The following GRM1 variants were observed in gnomAD, a reference collection of about 807,000 sequenced individuals.
The protein encoded by GRM1 is metabotropic glutamate receptor 1.
In GRM1, 33 loss-of-function variants were observed where a neutral mutation model predicts 90.9. That is an observed-to-expected ratio of 0.36 (90% CI 0.28 to 0.49). The LOEUF is 0.49. GRM1 is among the 20% of genes least tolerant of loss of function. The pLI, the probability that GRM1 is intolerant of heterozygous loss-of-function variation, is 0.99. For missense variants in GRM1, 1,190 were observed against 1,534.3 expected (o/e 0.78, Z 3.75); for synonymous variants, 700 against 613.2 (o/e 1.14, Z -2.09).
At chr6:146,220,599 T>C (rs1780027490) in intron 2 of GRM1, among the ~76,000 whole-genome samples, 1 of 152,184 alleles carries the variant, frequency 6.6e-6, no homozygotes, top group South Asian at 2.1e-4. Flanking sequence ...TTTAGCATCT[T>C]CATTAAGACA....
chr6:146,078,974 T>C (rs748047273), intron 1 of GRM1, among the ~76,000 whole-genome samples: 43 of 152,220 alleles, frequency 2.8e-4, no homozygotes, highest in Non-Finnish European at 5.4e-4. Flanking sequence ...AGGAAAAATC[T>C]CCACAAAGTG....
At chr6:146,235,507 C>T (rs557262373) in intron 2 of GRM1, among the ~76,000 whole-genome samples, 2 of 152,140 alleles carry the variant, frequency 1.3e-5, no homozygotes, top group African/African-American at 4.8e-5. Context: ...TATTTTCTCC[C>T]TCCAAGATTT....
At chr6:146,369,239 G>C (rs1003495513) in intron 5 of GRM1, among the ~76,000 whole-genome samples, 1 of 151,140 alleles carries the variant, frequency 6.6e-6, no homozygotes, top group Non-Finnish European at 1.5e-5. Flanking sequence ...TTCTTAGCTT[G>C]TCTAGTTAAA....
chr6:146,261,494 A>G (rs1461320590), intron 2 of GRM1, among the ~76,000 whole-genome samples: 1 of 152,002 alleles, frequency 6.6e-6, no homozygotes, highest in Non-Finnish European at 1.5e-5. Flanking sequence ...TAACATGGAG[A>G]AAAAAAATCA....
chr6:146,213,872 A>G (rs772092949), intron 2 of GRM1, among the ~76,000 whole-genome samples: 4 of 152,072 alleles, frequency 2.6e-5, no homozygotes, highest in Non-Finnish European at 5.9e-5. Context: ...AGGCCTCAGA[A>G]CCAGGGAAGC....
intron 2 of GRM1, among the ~76,000 whole-genome samples, chr6:146,245,615 T>C (rs1266184158): frequency 1.3e-5 from 2 of 152,132 alleles, no homozygotes. Flanking sequence ...ATTCAAAACC[T>C]CCATTTTCCC....
At chr6:146,209,851 A>G (rs1483918448) in intron 2 of GRM1, among the ~76,000 whole-genome samples, 24 of 152,278 alleles carry the variant, frequency 1.6e-4, no homozygotes, top group Non-Finnish European at 4.4e-5. Context: ...GCAGTGGGGA[A>G]GATTGCAAGG....
chr6:146,270,007 A>C (rs1405616031), intron 2 of GRM1, among the ~76,000 whole-genome samples: 1 of 152,076 alleles, frequency 6.6e-6, no homozygotes, highest in Non-Finnish European at 1.5e-5. Context: ...ATTTGCATAA[A>C]ATTCAGACAC....
chr6:146,397,999 T>C (rs756642955), intron 6 of GRM1, among the ~76,000 whole-genome samples: 88 of 152,224 alleles, frequency 5.8e-4, no homozygotes, highest in Non-Finnish European at 1.0e-3. Flanking sequence ...CTGACAAATT[T>C]TTCTCTCACT....
At chr6:146,036,237 C>G (rs1790887022) in intron 1 of GRM1, among the ~76,000 whole-genome samples, 1 of 151,842 alleles carries the variant, frequency 6.6e-6, no homozygotes. Flanking sequence ...ACACAGAGGG[C>G]TGGGGAACCA....
At chr6:146,227,220 C>T (rs1454885917) in intron 2 of GRM1, among the ~76,000 whole-genome samples, 1 of 149,610 alleles carries the variant, frequency 6.7e-6, no homozygotes, top group East Asian at 2.0e-4. Context: ...GTGTGTGTAT[C>T]TACACACATA....
intron 2 of GRM1, among the ~76,000 whole-genome samples, chr6:146,257,334 G>A (rs904682201): frequency 6.6e-6 from 1 of 152,034 alleles, no homozygotes; most frequent in Non-Finnish European, 1.5e-5. Context: ...GTGTAGCATT[G>A]AGTATTTAGC....
chr6:146,234,928 G>T (rs984173337), intron 2 of GRM1, among the ~76,000 whole-genome samples: 1 of 152,058 alleles, frequency 6.6e-6, no homozygotes, highest in African/African-American at 2.4e-5. Flanking sequence ...ATTTTAAGGA[G>T]AGACATGGTT....
chr6:146,111,447 G>T (rs899257689), intron 1 of GRM1, among the ~76,000 whole-genome samples: 1 of 152,194 alleles, frequency 6.6e-6, no homozygotes, highest in Non-Finnish European at 1.5e-5. Context: ...AAAACAGATT[G>T]TCAAGAGTTG....
chr6:146,112,137 A>G (rs1356859251), intron 1 of GRM1, among the ~76,000 whole-genome samples: 1 of 152,164 alleles, frequency 6.6e-6, no homozygotes, highest in Non-Finnish European at 1.5e-5. Flanking sequence ...TGCCCATTTA[A>G]CATCATCTCA....
intron 6 of GRM1, among the ~76,000 whole-genome samples, chr6:146,391,564 A>T (rs1197884008): frequency 1.3e-5 from 2 of 152,068 alleles, no homozygotes; most frequent in African/African-American, 2.4e-5. Context: ...CTCTTTTTTA[A>T]AAACTTCAAA....
intron 2 of GRM1, among the ~76,000 whole-genome samples, chr6:146,236,543 A>G (rs921365153): frequency 2.0e-5 from 3 of 152,052 alleles, no homozygotes; most frequent in African/African-American, 7.2e-5. Flanking sequence ...TTCTTAGGCA[A>G]TCACTTTGTC....
In GRM1 at chr6:146,436,198, CTT is replaced by C. The variant is rs1778589154; in HGVS notation, c.*1404_*1405del. On this transcript the variant is annotated 3_prime_UTR_variant, in exon 8 of 8. Coordinates refer to ENST00000282753, the MANE Select transcript of GRM1 (RefSeq NM_001278064.2). ...ATTGTCATCAATATCTACAGAAGCT[CTT>C]TGACGGTTTGAATACTATGGCTCAA... is the stretch of plus-strand genomic sequence containing the variant. 1 of 152,476 alleles carries C rather than the reference CTT, an allele frequency of 6.6e-6. No individual in the cohort carries two copies. Among genetic ancestry groups the C allele is most frequent in the African/African-American group, 2.4e-5 (1 of 41,444 alleles). The allele number at this position is 152,476 out of a possible 1,614,324, so 9.4% of individuals were successfully genotyped here. A position where few individuals can be genotyped will look rare whatever the true frequency, so the allele number is the denominator to read the frequency against.
intron 1 of GRM1, among the ~76,000 whole-genome samples, chr6:146,070,277 C>A (rs1019915569): frequency 1.3e-5 from 2 of 151,842 alleles, no homozygotes; most frequent in African/African-American, 2.4e-5. Context: ...TGAAAGTATG[C>A]AGAATATAAG....
Sources: gnomAD v4.1 joint callset for allele counts (sites outside exome capture counted in the v4.1 genomes callset) on GRCh38, gnomAD v4.1.1 for gene constraint, MANE v1.5 for transcripts, NCBI Gene and HGNC (gene_info 2026-07-23, HGNC 2026-07-21) for gene names.